Variants in TP53BP2 observed in about 807,000 individuals in gnomAD.
TP53BP2 encodes tumor protein p53 binding protein 2, also known as apoptosis-stimulating of p53 protein 2.
TP53BP2 carries 62 observed loss-of-function variants against 126.2 expected under a neutral mutation model. That is an observed-to-expected ratio of 0.49 (90% confidence interval 0.40 to 0.61). The LOEUF (loss-of-function observed/expected upper bound fraction) is 0.61. TP53BP2 is among the 20% of genes least tolerant of loss of function. The probability of loss-of-function intolerance (pLI) is 0.00; values close to 1 mark genes in which losing one functional copy is unlikely to be tolerated. For missense variants in TP53BP2, 1,215 were observed against 1,402.8 expected, an observed-to-expected ratio of 0.87 and a Z score of 2.14; for synonymous variants, 485 against 502.9, an observed-to-expected ratio of 0.96 and a Z score of 0.48.
chr1:223,810,799 C>T (rs564461176), intron 3 of TP53BP2, among the ~76,000 whole-genome samples: 6 of 152,216 alleles, frequency 3.9e-5, no homozygotes, highest in Non-Finnish European at 8.8e-5. Context: ...AATTAACAAA[C>T]GTAATGTACT....
At chr1:223,827,479 C>T (rs1314673327) in intron 1 of TP53BP2, among the ~76,000 whole-genome samples, 2 of 152,206 alleles carry the variant, frequency 1.3e-5, no homozygotes, top group Non-Finnish European at 2.9e-5. Flanking sequence ...CTGGCTGGAA[C>T]AGGCTAGAGA....
intron 2 of TP53BP2, among the ~76,000 whole-genome samples, chr1:223,815,618 G>A (rs181122765): frequency 1.4e-4 from 22 of 152,180 alleles, no homozygotes; most frequent in African/African-American, 4.1e-4. Context: ...CTAACATCCC[G>A]ATGGCCCTGT....
At chr1:223,836,410 T>G (rs1663924276) in intron 1 of TP53BP2, among the ~76,000 whole-genome samples, 1 of 152,194 alleles carries the variant, frequency 6.6e-6, no homozygotes, top group African/African-American at 2.4e-5. Flanking sequence ...TGGTGCTATG[T>G]TTTAATAACT....
intron 11 of TP53BP2, among the ~76,000 whole-genome samples, chr1:223,799,470 C>T (rs971257520): frequency 3.3e-5 from 5 of 152,278 alleles, no homozygotes; most frequent in South Asian, 2.1e-4. Flanking sequence ...CATTCTTGTT[C>T]ACTGGAATTT....
chr1:223,817,501 G>A (rs1310146354), intron 2 of TP53BP2, among the ~76,000 whole-genome samples: 1 of 152,136 alleles, frequency 6.6e-6, no homozygotes, highest in African/African-American at 2.4e-5. Flanking sequence ...AGAAATGCTT[G>A]CATAGGATCA....
intron 6 of TP53BP2, 98 bp downstream of exon 6, chr1:223,804,076 G>A (rs959407890): frequency 4.9e-5 from 65 of 1,317,716 alleles, no homozygotes; most frequent in Admixed American, 9.3e-5. Flanking sequence ...TTGAGGCCAC[G>A]GTTCAAAAGA....
At position 223,803,411 on chromosome 1, in the gene TP53BP2, G is replaced by A. The variant is rs750311845; in HGVS notation, c.691C>T (p.Gln231Ter). 6.2e-7 allele frequency: 1 copy of A among 1,613,628 alleles called. No individual in the cohort carries two copies. The highest frequency in any genetic ancestry group is 1.1e-5 in the South Asian group (1 of 91,030). ...EQMNNLFQQK[Q>*]RELVLAVSKV... ...GACACAGCCAGGACGAGCTCCCTCT[G>A]TTTTTGCTGGAACAAATTATTCATC... is the stretch of plus-strand genomic sequence containing the variant. The change falls in exon 7 of 18, where the codon CAG becomes TAG. Residue 231 changes from glutamine to a stop codon, truncating the protein, a stop_gained. Transcript: ENST00000343537. LOFTEE classifies it high-confidence loss of function.
rs1411276231 is a variant in TP53BP2, at chr1:223,796,205, G to T, written c.2334C>A (p.Ser778=). The T allele has an allele frequency of 1.9e-6, 3 of 1,614,060 alleles. No individual in the cohort carries two copies. The African/African-American group carries it at 4.0e-5, about 22-fold the overall frequency. The change falls in exon 13 of 18, where the codon TCC becomes TCA. Residue 778 remains serine (S), a synonymous_variant. Transcript: ENST00000343537. The surrounding 1 kb of genome is among the most constrained non-coding windows in gnomAD (Gnocchi z 4.2). ...METISVPSYP[S]KSASVTASSE... is the part of the protein sequence containing the mutation. ...AGCTGGCAGTCACAGAAGCTGACTTGGATGGGTATGATGGGACAGAGATGG... is the reference window on the plus strand; with the variant it reads ...AGCTGGCAGTCACAGAAGCTGACTTTGATGGGTATGATGGGACAGAGATGG...
At chr1:223,804,415 T>A in intron 5 of TP53BP2, 67 bp from the exon 6 acceptor site, 1 of 1,410,938 alleles carries the variant, frequency 7.1e-7, no homozygotes, top group Non-Finnish European at 9.9e-7. Context: ...CAAAATAGCC[T>A]AACTGCAACA....
intron 16 of TP53BP2, 49 bp from the exon 17 acceptor site, chr1:223,784,363 T>C (rs1472027030): frequency 1.3e-6 from 2 of 1,572,818 alleles, no homozygotes; most frequent in Non-Finnish European, 8.7e-7. Context: ...ACTTGGAGTA[T>C]ACCACTCTAC....
chr1:223,789,981 C>T (rs931347878), intron 15 of TP53BP2, among the ~76,000 whole-genome samples: 3 of 152,068 alleles, frequency 2.0e-5, no homozygotes, highest in Non-Finnish European at 2.9e-5. Context: ...CTTGGGTATA[C>T]AGACTTGAAA....
chr1:223,800,078 A>G (rs571797518), intron 10 of TP53BP2, 31 bp from the exon 11 acceptor site: 2 of 1,579,684 alleles, frequency 1.3e-6, no homozygotes, highest in African/African-American at 1.4e-5. Context: ...ATGACATTCA[A>G]ACTGTTTAGA....
At chr1:223,801,624 A>C (rs1340324003) in intron 9 of TP53BP2, among the ~76,000 whole-genome samples, 1 of 152,174 alleles carries the variant, frequency 6.6e-6, no homozygotes, top group East Asian at 1.9e-4. Flanking sequence ...AGCCTCTGCT[A>C]TTTTCACTTT....
chr1:223,803,705 C>T (rs888895539), intron 6 of TP53BP2, among the ~76,000 whole-genome samples: 1 of 152,118 alleles, frequency 6.6e-6, no homozygotes, highest in Non-Finnish European at 1.5e-5. Context: ...ATTTTAGAAA[C>T]AATAAAAATT....
intron 2 of TP53BP2, among the ~76,000 whole-genome samples, chr1:223,819,979 C>T (rs1462370874): frequency 1.3e-5 from 2 of 152,178 alleles, no homozygotes; most frequent in South Asian, 2.1e-4. Context: ...AATAAACACA[C>T]ACAAAGAGTG....
chr1:223,814,414 C>T, intron 2 of TP53BP2, 61 bp from the exon 3 acceptor site: 2 of 1,178,368 alleles, frequency 1.7e-6, no homozygotes, highest in Non-Finnish European at 2.5e-6. Context: ...ATATATCATT[C>T]ACCATCTATC....
intron 1 of TP53BP2, among the ~76,000 whole-genome samples, chr1:223,835,495 A>G (rs1663891201): frequency 6.6e-6 from 1 of 152,110 alleles, no homozygotes; most frequent in South Asian, 2.1e-4. Context: ...CATTCGTCTT[A>G]TTTTATGTAA....
chr1:223,804,445 G>T, intron 5 of TP53BP2, 97 bp from the exon 6 acceptor site: 1 of 1,109,662 alleles, frequency 9.0e-7, no homozygotes, highest in Non-Finnish European at 1.3e-6. Context: ...TGAGATTGAG[G>T]TACACTTGTA....
rs931792398 is a variant in TP53BP2 at position 223,802,638 on chromosome 1, T to C, written c.996+93A>G. On this transcript the variant is annotated intron_variant, in intron 8 of 17. Transcript: ENST00000343537. The stretch of plus-strand genomic sequence containing the variant: ...ATCTGTTTTCTGAGGGCACACTGAG[T>C]AATGATTCTGAAGAAGATGCCTATG... 13 of 1,424,538 alleles carry C rather than the reference T, an allele frequency of 9.1e-6. No individual in the cohort carries two copies. The African/African-American group carries it at 1.9e-4, about 20-fold the overall frequency. 88.2% of individuals were successfully genotyped at this position (1,424,538 alleles called of 1,614,324 possible). A position where few individuals can be genotyped will look rare whatever the true frequency, so the allele number is the denominator to read the frequency against.
Sources: allele counts gnomAD v4.1 joint callset (sites outside exome capture counted in the v4.1 genomes callset), GRCh38; gene constraint gnomAD v4.1.1; non-coding constraint Gnocchi (gnomAD v3.1); transcripts MANE v1.5; gene names NCBI Gene and HGNC (gene_info 2026-07-23, HGNC 2026-07-21).